The following CAST variants were observed in gnomAD, a reference collection of about 807,000 sequenced individuals.
The protein encoded by CAST is calpastatin, also known as MIR583 host.
Under a neutral mutation model 119.6 loss-of-function variants are expected in CAST, and 76 were observed. The observed-to-expected ratio is 0.64, with a 90% CI of 0.53 to 0.77. CAST has a LOEUF of 0.77. Among genes scored for constraint, CAST ranks in the 30% least tolerant of loss-of-function variants. The pLI is 0.00. For synonymous variants in CAST, 319 were observed against 331.6 expected, an observed-to-expected ratio of 0.96 and a Z score of 0.41; for missense variants, 953 against 946.5, an observed-to-expected ratio of 1.01 and a Z score of -0.09.
At chr5:96,182,827 T>C in the CAST span, among the ~76,000 whole-genome samples, 1 of 152,170 alleles carries the variant, frequency 6.6e-6, no homozygotes, top group South Asian at 2.1e-4. Context: ...CTGTTTATAA[T>C]ACAGTCTACT....
chr5:96,110,081 A>T, the CAST span, among the ~76,000 whole-genome samples: 1 of 152,206 alleles, frequency 6.6e-6, no homozygotes, highest in Non-Finnish European at 1.5e-5. Context: ...AAGTTGACTA[A>T]GATACATCTC....
chr5:96,586,009 T>C (rs1203650908), intron 1 of CAST, among the ~76,000 whole-genome samples: 1 of 152,212 alleles, frequency 6.6e-6, no homozygotes, highest in Non-Finnish European at 1.5e-5. Flanking sequence ...ACAGCTAAGA[T>C]ATACTGAAAA....
chr5:96,136,209 G>C, the CAST span, among the ~76,000 whole-genome samples: 1 of 152,144 alleles, frequency 6.6e-6, no homozygotes, highest in Non-Finnish European at 1.5e-5. Context: ...AGCAGTGGAT[G>C]TTAATTTTAT....
At position 96,748,524 on chromosome 5, in the gene CAST, A is replaced by G; in HGVS notation, c.1339A>G (p.Ser447Gly). The change falls in exon 19 of 32, where the codon AGT becomes GGT. Residue 447 changes from serine to glycine, a missense_variant. Coordinates refer to ENST00000675179, the MANE Select transcript of CAST (RefSeq NM_001750.7). The part of the protein sequence containing the change: ...PEPEEKPKPR[S>G]ESELIDELSE... ...AGCACTTCTTATATTACAGCCTCGG[A>G]GTGAATCAGAACTCATTGATGAACT... 1 of 1,519,634 alleles carries G rather than the reference A, an allele frequency of 6.6e-7. No individual in the cohort carries two copies. Among genetic ancestry groups the G allele is most frequent in the Non-Finnish European group, 9.1e-7 (1 of 1,096,072 alleles). 94.1% of individuals were successfully genotyped at this position (1,519,634 alleles called of 1,614,324 possible). A position where few individuals can be genotyped will look rare whatever the true frequency, so the allele number is the denominator to read the frequency against.
intron 1 of CAST, among the ~76,000 whole-genome samples, chr5:96,541,215 A>G (rs1422754660): frequency 6.6e-6 from 1 of 152,194 alleles, no homozygotes; most frequent in Admixed American, 6.5e-5. Context: ...TTTATATTTT[A>G]GATTATAATC....
intron 2 of CAST, among the ~76,000 whole-genome samples, chr5:96,687,590 A>G (rs1240929479): frequency 6.6e-6 from 1 of 152,182 alleles, no homozygotes; most frequent in Non-Finnish European, 1.5e-5. Context: ...TAAAGTTGGT[A>G]TTTTTGGGCT....
intron 1 of CAST, among the ~76,000 whole-genome samples, chr5:96,537,685 GA>G (rs1745844077): frequency 6.6e-6 from 1 of 152,160 alleles, no homozygotes; most frequent in Non-Finnish European, 1.5e-5. Flanking sequence ...TGAAGCGGCA[GA>G]AAAACAAAGG....
At chr5:96,609,835 G>T (rs958836518) in intron 1 of CAST, among the ~76,000 whole-genome samples, 8 of 129,896 alleles carry the variant, frequency 6.2e-5, no homozygotes, top group Non-Finnish European at 1.3e-4. Flanking sequence ...ACTCAGGGGG[G>T]CATTTTTTAA....
At chr5:96,561,796 G>GTTTTTTTGTTTTTTTTTTTTTTTTTT (rs1267067922) in intron 1 of CAST, among the ~76,000 whole-genome samples, 5 of 97,402 alleles carry the variant, frequency 5.1e-5, no homozygotes, top group African/African-American at 7.7e-5. Flanking sequence ...GTTTTTTTTT[G>GTTTTTTTGTTTTTTTTTTTTTTTTTT]TTTTTTTTTT....
chr5:96,024,978 C>T, the CAST span, among the ~76,000 whole-genome samples: 7 of 152,202 alleles, frequency 4.6e-5, no homozygotes, highest in Admixed American at 3.9e-4. Context: ...TATTTCTAAC[C>T]ACATTAACAC....
intron 1 of CAST, among the ~76,000 whole-genome samples, chr5:96,582,908 A>G (rs183936310): frequency 6.6e-6 from 1 of 152,304 alleles, no homozygotes; most frequent in East Asian, 1.9e-4. Context: ...TATAGAAAAT[A>G]CTGTTTTACC....
chr5:96,246,476 G>A, the CAST span, among the ~76,000 whole-genome samples: 1 of 152,136 alleles, frequency 6.6e-6, no homozygotes, highest in South Asian at 2.1e-4. Flanking sequence ...GAGCCAAAGC[G>A]GAAACCTGTT....
At chr5:96,242,846 A>C in the CAST span, among the ~76,000 whole-genome samples, 1 of 152,314 alleles carries the variant, frequency 6.6e-6, no homozygotes, top group East Asian at 1.9e-4. Flanking sequence ...CTGGTGACTG[A>C]ACAAAGAATG....
chr5:96,762,078 A>C (rs1768155677), intron 24 of CAST, 196 bp from the exon 25 acceptor site: 3 of 408,234 alleles, frequency 7.3e-6, no homozygotes, highest in Non-Finnish European at 8.7e-6. Flanking sequence ...GGAAATAGAA[A>C]TAGCAAATTG....
the CAST span, among the ~76,000 whole-genome samples, chr5:96,092,462 C>T: frequency 2.0e-5 from 3 of 152,218 alleles, no homozygotes; most frequent in Non-Finnish European, 2.9e-5. Context: ...TATACATCCT[C>T]AACTCTTCCC....
Position 96,685,187 on chromosome 5 carries a change from G to T in CAST, c.138+9586G>T, listed in dbSNP as rs553281264. 3.2e-4 allele frequency among the ~76,000 whole-genome samples: 48 copies of T among 152,036 alleles called. 1 individual carries two copies. In the South Asian group the frequency reaches 8.9e-3, roughly 28 times the overall value. On this transcript the variant is annotated intron_variant, in intron 2 of 31. Transcript: ENST00000675179. ...GTCTCTGAAGAGATTATATTTTATT[G>T]CTTGTGGAATCAGAGTAAAATACTA...
At chr5:96,592,350 G>A (rs928000716) in intron 1 of CAST, among the ~76,000 whole-genome samples, 2 of 151,150 alleles carry the variant, frequency 1.3e-5, no homozygotes, top group Non-Finnish European at 3.0e-5. Flanking sequence ...GCAGTAAGCC[G>A]AGATCACACC....
At chr5:96,565,080 GT>G (rs1746443674) in intron 1 of CAST, among the ~76,000 whole-genome samples, 1 of 121,852 alleles carries the variant, frequency 8.2e-6, no homozygotes, top group Non-Finnish European at 2.0e-5. Context: ...TGGGAAAGGT[GT>G]GTGTGTGTGT....
chr5:96,234,276 C>T, the CAST span, among the ~76,000 whole-genome samples: 3 of 152,184 alleles, frequency 2.0e-5, no homozygotes, highest in Non-Finnish European at 4.4e-5. Flanking sequence ...GGCAAACAGC[C>T]TGCTGGGGCT....
Sources: gnomAD v4.1 joint callset for allele counts (sites outside exome capture counted in the v4.1 genomes callset) on GRCh38, gnomAD v4.1.1 for gene constraint, MANE v1.5 for transcripts, NCBI Gene and HGNC (gene_info 2026-07-23, HGNC 2026-07-21) for gene names.